ADIPOR2: variants seen among roughly 807,000 people sequenced by gnomAD.
The protein encoded by ADIPOR2 is adiponectin receptor protein 2.
In ADIPOR2, 18 loss-of-function variants were observed where a neutral mutation model predicts 40.9. The observed-to-expected ratio is 0.44, with a 90% confidence interval of 0.30 to 0.65. ADIPOR2 has a LOEUF of 0.65. Ranked by LOEUF, ADIPOR2 falls within the 30% of genes least tolerant of loss-of-function variation. ADIPOR2 has a pLI of 0.09. For missense variants in ADIPOR2, 283 were observed against 479.2 expected (o/e 0.59, Z 3.82); for synonymous variants, 165 against 166.4 (o/e 0.99, Z 0.06).
chr12:1,700,796 T>TA (rs1446221917), intron 1 of ADIPOR2, among the ~76,000 whole-genome samples: 4 of 22,602 alleles, frequency 1.8e-4, no homozygotes, highest in South Asian at 5.4e-3. Flanking sequence ...GGCCCTAGAT[T>TA]TAAAAAAAAA....
At chr12:1,720,066 A>G (rs1324233385) in intron 1 of ADIPOR2, among the ~76,000 whole-genome samples, 1 of 152,174 alleles carries the variant, frequency 6.6e-6, no homozygotes, top group Non-Finnish European at 1.5e-5. Flanking sequence ...ATAGTTCAAG[A>G]AGGGAAGACA....
At chr12:1,731,847 C>G (rs2094720986) in intron 1 of ADIPOR2, among the ~76,000 whole-genome samples, 1 of 152,124 alleles carries the variant, frequency 6.6e-6, no homozygotes, top group Non-Finnish European at 1.5e-5. Flanking sequence ...GCTTGTAATC[C>G]CAGCTACTTG....
chr12:1,759,986 G>A (rs1351773321), intron 2 of ADIPOR2, among the ~76,000 whole-genome samples: 2 of 151,740 alleles, frequency 1.3e-5, no homozygotes, highest in African/African-American at 2.4e-5. Context: ...AGATTGCACC[G>A]CTGCACTCCA....
intron 2 of ADIPOR2, among the ~76,000 whole-genome samples, chr12:1,758,431 T>C (rs1438864679): frequency 6.6e-6 from 1 of 152,204 alleles, no homozygotes; most frequent in African/African-American, 2.4e-5. Flanking sequence ...TCCAAAATCA[T>C]CTTGTTTGCC....
chr12:1,782,985 T>C (rs1349527214), intron 6 of ADIPOR2, among the ~76,000 whole-genome samples: 9 of 40,902 alleles, frequency 2.2e-4, no homozygotes, highest in Admixed American at 7.7e-4. Context: ...TCTTTTTTTT[T>C]TTTTTTTTTT....
At chr12:1,725,699 C>T (rs1208022868) in intron 1 of ADIPOR2, among the ~76,000 whole-genome samples, 2 of 152,000 alleles carry the variant, frequency 1.3e-5, no homozygotes, top group Admixed American at 1.3e-4. Flanking sequence ...ATGAACTAAA[C>T]AAAATGAACA....
intron 4 of ADIPOR2, 27 bp downstream of exon 4, chr12:1,778,052 C>CTGG (rs1565658305): frequency 6.3e-7 from 1 of 1,587,410 alleles, no homozygotes; most frequent in South Asian, 1.1e-5. Context: ...ATGTAATGAG[C>CTGG]TGGTGATTCA....
chr12:1,784,915 TTAGC>T (rs1188973611), intron 7 of ADIPOR2, among the ~76,000 whole-genome samples: 1 of 152,234 alleles, frequency 6.6e-6, no homozygotes, highest in African/African-American at 2.4e-5. Context: ...AAAGTTTAGT[TTAGC>T]TATCTGTAAA....
chr12:1,764,513 G>A (rs980845508), intron 2 of ADIPOR2, among the ~76,000 whole-genome samples: 4 of 151,678 alleles, frequency 2.6e-5, no homozygotes, highest in African/African-American at 9.7e-5. Flanking sequence ...TTCTGTGTAA[G>A]AGGACCCTTC....
At chr12:1,748,931 C>G (rs1183034725) in intron 1 of ADIPOR2, among the ~76,000 whole-genome samples, 2 of 151,948 alleles carry the variant, frequency 1.3e-5, no homozygotes, top group Non-Finnish European at 2.9e-5. Context: ...AGGTTGAGGG[C>G]TCCGTACCTA....
chr12:1,781,526 T>C (rs143107004), intron 6 of ADIPOR2, among the ~76,000 whole-genome samples: 40 of 152,304 alleles, frequency 2.6e-4, no homozygotes, highest in African/African-American at 9.6e-4. Context: ...CCCATGCTGA[T>C]TATGTTTTGT....
intron 1 of ADIPOR2, among the ~76,000 whole-genome samples, chr12:1,704,739 T>C (rs1246522672): frequency 1.3e-5 from 2 of 152,212 alleles, no homozygotes; most frequent in African/African-American, 4.8e-5. Context: ...ATGAAGACCA[T>C]TTTTGTTTCC....
chr12:1,767,917 T>A (rs2154444006), intron 2 of ADIPOR2, among the ~76,000 whole-genome samples: 1 of 152,290 alleles, frequency 6.6e-6, no homozygotes, highest in African/African-American at 2.4e-5. Context: ...AGTCTGTTGT[T>A]CAGTTAAATG....
intron 1 of ADIPOR2, among the ~76,000 whole-genome samples, chr12:1,716,466 A>T (rs1385582877): frequency 6.6e-6 from 1 of 152,230 alleles, no homozygotes; most frequent in Non-Finnish European, 1.5e-5. Flanking sequence ...GTTTGGATTT[A>T]ACCTTCGATT....
At chr12:1,757,742 T>C in intron 2 of ADIPOR2, 1 of 1,255,810 alleles carries the variant, frequency 8.0e-7, no homozygotes, top group South Asian at 1.2e-5. Flanking sequence ...GTCTTGTCAA[T>C]GCTGATGACA....
At chr12:1,728,746 T>C (rs992337633) in intron 1 of ADIPOR2, among the ~76,000 whole-genome samples, 4 of 151,810 alleles carry the variant, frequency 2.6e-5, no homozygotes, top group African/African-American at 9.7e-5. Flanking sequence ...AATAAATAAA[T>C]AAATAAAAGA....
At chr12:1,728,968 T>C (rs1025113535) in intron 1 of ADIPOR2, among the ~76,000 whole-genome samples, 1 of 150,830 alleles carries the variant, frequency 6.6e-6, no homozygotes, top group East Asian at 1.9e-4. Context: ...GTTTTTTTTT[T>C]TTTTTTTTTT....
At chr12:1,737,319 A>G (rs2094732938) in intron 1 of ADIPOR2, among the ~76,000 whole-genome samples, 1 of 150,198 alleles carries the variant, frequency 6.7e-6, no homozygotes, top group South Asian at 2.1e-4. Flanking sequence ...AGAAGACTGA[A>G]GTTATTTGTG....
intron 2 of ADIPOR2, among the ~76,000 whole-genome samples, chr12:1,772,368 GC>G (rs1293800170): frequency 6.6e-6 from 1 of 152,090 alleles, no homozygotes; most frequent in African/African-American, 2.4e-5. Flanking sequence ...TATATATAAA[GC>G]CTTTTCCTCT....
Sources: allele counts gnomAD v4.1 joint callset (sites outside exome capture counted in the v4.1 genomes callset), GRCh38; gene constraint gnomAD v4.1.1; transcripts MANE v1.5; gene names NCBI Gene and HGNC (gene_info 2026-07-23, HGNC 2026-07-21).